The following NFIX variants were observed in gnomAD, a reference collection of about 807,000 sequenced individuals.
NFIX encodes nuclear factor I X, also known as nuclear factor 1 X-type.
A neutral mutation model predicts 53.3 loss-of-function variants in NFIX; 2 were observed. The observed-to-expected ratio is 0.04, with a 90% CI of 0.02 to 0.12. The LOEUF (loss-of-function observed/expected upper bound fraction) is 0.12. NFIX is among the 10% of genes least tolerant of loss of function. The pLI is 1.00. For synonymous variants in NFIX, 244 were observed against 289.0 expected, an observed-to-expected ratio of 0.84 and a Z score of 1.58; for missense variants, 310 against 674.5, an observed-to-expected ratio of 0.46 and a Z score of 5.99.
intron 8 of NFIX, chr19:13,082,081 TG>T: frequency 1.8e-6 from 1 of 566,724 alleles, no homozygotes; most frequent in Non-Finnish European, 3.1e-6. Context: ...GGGCAGCATC[TG>T]GGCCCCCTTG....
At position 13,067,294 on chromosome 19, in the gene NFIX, G is replaced by A. The variant is rs534319171; in HGVS notation, c.560-5753G>A. 7.2e-5 allele frequency among the ~76,000 whole-genome samples: 11 copies of A among 152,308 alleles called. No homozygotes were observed. Among genetic ancestry groups the A allele is most frequent in the African/African-American group, 2.4e-4 (10 of 41,560 alleles). ...CTTCTGGAATGTCAGGCCTGGGAGGGCCAGGGGATGGGCAGGCACACCCCA... is the reference window on the plus strand; with the variant it reads ...CTTCTGGAATGTCAGGCCTGGGAGGACCAGGGGATGGGCAGGCACACCCCA... On this transcript the variant is annotated intron_variant, in intron 2 of 10. Transcript: ENST00000592199. The surrounding 1 kb of genome is among the most constrained non-coding windows in gnomAD (Gnocchi z 4.2).
chr19:13,000,948 C>G (rs2011659443), intron 1 of NFIX, among the ~76,000 whole-genome samples: 1 of 152,196 alleles, frequency 6.6e-6, no homozygotes, highest in African/African-American at 2.4e-5. Flanking sequence ...CACAGGGAGC[C>G]TGGCCTTTTA....
At chr19:13,026,853 T>C (rs894371354) in intron 2 of NFIX, among the ~76,000 whole-genome samples, 2 of 152,162 alleles carry the variant, frequency 1.3e-5, no homozygotes, top group African/African-American at 4.8e-5. Context: ...GTGGCTTAAC[T>C]TCAACTCTCG....
Position 13,002,010 on chromosome 19 carries a change from C to T in NFIX, c.27+6146C>T, listed in dbSNP as rs945700109. ...TCTGCCCGGCGCACATTGATCTTGG[C>T]TTCTGCCTGTGTCCGTTCTAGCCTG... is the stretch of plus-strand genomic sequence containing the variant. On this transcript the variant is annotated intron_variant, in intron 1 of 10. Coordinates refer to ENST00000592199, the MANE Select transcript of NFIX (RefSeq NM_001365902.3). The surrounding 1 kb of genome is among the most constrained non-coding windows in gnomAD (Gnocchi z 6.1). Among the ~76,000 whole-genome samples, 13 of 152,128 alleles carry T rather than the reference C, an allele frequency of 8.5e-5. No homozygotes were observed. Among genetic ancestry groups the T allele is most frequent in the Non-Finnish European group, 1.5e-5 (1 of 67,992 alleles).
Position 12,996,142 on chromosome 19 carries a change from C to CGTGT in NFIX, c.27+304_27+307dup, listed in dbSNP as rs3046151. On this transcript the variant is annotated intron_variant, in intron 1 of 10. Transcript: ENST00000592199. This position sits in a 1 kb window ranked among gnomAD's most constrained non-coding sequence, Gnocchi z 5.2. The stretch of plus-strand genomic sequence containing the variant: ...TGGAGCGCAGGCGGGAGTGCGTGTA[C>CGTGT]GTGTGTGTGTGTGTGTGTGTGTGTG... Among the ~76,000 whole-genome samples the CGTGT allele has an allele frequency of 2.2e-3, 323 of 145,788 alleles. No individual in the cohort carries two copies. The highest frequency in any genetic ancestry group is 6.4e-3 in the African/African-American group (254 of 39,936).
Position 13,012,192 on chromosome 19 carries a change from G to GCATGTGTGGCA in NFIX, c.28-12829_28-12828insCATGTGTGGCA, listed in dbSNP as rs2012391394. ...ATGTCAGACGCGACCTGTGTGGCAT[G>GCATGTGTGGCA]TACCAGGCTGGCTCCGACGACGGAA... is the stretch of plus-strand genomic sequence containing the variant. On this transcript the variant is annotated intron_variant, in intron 1 of 10. Transcript: ENST00000592199. This position sits in a 1 kb window ranked among gnomAD's most constrained non-coding sequence, Gnocchi z 5.0. The GCATGTGTGGCA allele has an allele frequency of 1.3e-5, 2 of 152,292 alleles. No homozygotes were observed. Among genetic ancestry groups the GCATGTGTGGCA allele is most frequent in the Non-Finnish European group, 2.9e-5 (2 of 68,092 alleles). The allele number at this position is 152,292 out of a possible 1,614,324, so 9.4% of individuals were successfully genotyped here.
Position 13,036,190 on chromosome 19 carries a change from A to C in NFIX, c.559+10638A>C, listed in dbSNP as rs375885333. 6.6e-6 allele frequency among the ~76,000 whole-genome samples: 1 copy of C among 152,154 alleles called. No homozygotes were observed. The highest frequency in any genetic ancestry group is 1.5e-5 in the Non-Finnish European group (1 of 67,984). On this transcript the variant is annotated intron_variant, in intron 2 of 10. Coordinates refer to ENST00000592199, the MANE Select transcript of NFIX (RefSeq NM_001365902.3). This position sits in a 1 kb window ranked among gnomAD's most constrained non-coding sequence, Gnocchi z 4.7. Reference sequence around the variant, plus strand: ...CTGGAGTCGACTTCCCAAGTCTCCTAGGAAGGCGAGGGCTCTCCTTCGTGT... The same window carrying C: ...CTGGAGTCGACTTCCCAAGTCTCCTCGGAAGGCGAGGGCTCTCCTTCGTGT...
intron 1 of NFIX, chr19:13,024,705 T>A (rs1318693287): frequency 6.5e-7 from 1 of 1,536,384 alleles, no homozygotes; most frequent in Admixed American, 2.0e-5. Flanking sequence ...GGCAACGTTG[T>A]CTGTGCGCGT....
chr19:13,007,936 C>T (rs1214106897), intron 1 of NFIX, among the ~76,000 whole-genome samples: 1 of 152,156 alleles, frequency 6.6e-6, no homozygotes, highest in Non-Finnish European at 1.5e-5. Context: ...CACACAGACA[C>T]ACAGAGCAGA....
chr19:13,002,554 G>A lies in NFIX; in HGVS notation c.27+6690G>A, dbSNP rs1245199889. On this transcript the variant is annotated intron_variant, in intron 1 of 10. Transcript: ENST00000592199. The surrounding 1 kb of genome is among the most constrained non-coding windows in gnomAD (Gnocchi z 6.1). ...AGGCAATGGGCAGGGTGACTGAGCT[G>A]CCCGGCGGGGCGGGCGGGCAGGGAG... Among the ~76,000 whole-genome samples, 1 of 152,108 alleles carries A rather than the reference G, an allele frequency of 6.6e-6. No individual in the cohort carries two copies. Among genetic ancestry groups the A allele is most frequent in the Non-Finnish European group, 1.5e-5 (1 of 67,988 alleles).
At chr19:12,999,168 T>C (rs1238637104) in intron 1 of NFIX, among the ~76,000 whole-genome samples, 1 of 151,750 alleles carries the variant, frequency 6.6e-6, no homozygotes, top group African/African-American at 2.4e-5. Context: ...AAATAACTTT[T>C]CTTTTTCTAT....
chr19:13,073,423 G>A lies in NFIX; in HGVS notation c.624G>A (p.Gly208=). The A allele has an allele frequency of 6.2e-7, 1 of 1,613,786 alleles. No individual in the cohort carries two copies. Among genetic ancestry groups the A allele is most frequent in the Non-Finnish European group, 8.5e-7 (1 of 1,179,702 alleles). The part of the protein sequence containing the change: ...GDADIKPLPN[G]HLSFQDCFVT... Reference sequence around the variant, plus strand: ...TCACTCATCCTTTCCCCTCTTCAGGGCACTTAAGTTTCCAGGACTGTTTTG... The same window carrying A: ...TCACTCATCCTTTCCCCTCTTCAGGACACTTAAGTTTCCAGGACTGTTTTG... The change falls in exon 4 of 11, where the codon GGG becomes GGA. Residue 208 remains glycine (G), a splice_region_variant and synonymous_variant. Transcript: ENST00000592199. The surrounding 1 kb of genome is among the most constrained non-coding windows in gnomAD (Gnocchi z 4.5).
chr19:13,042,720 A>ACCCCAC (rs2014721926), intron 2 of NFIX, among the ~76,000 whole-genome samples: 2 of 146,208 alleles, frequency 1.4e-5, no homozygotes, highest in African/African-American at 5.0e-5. Flanking sequence ...GCTGATGTAA[A>ACCCCAC]CCCCACCCCC....
rs1335398493 is a variant in NFIX at position 13,014,115 on chromosome 19, C to T, written c.28-10906C>T. ...GAGAAATAACTCGTCTCTCCTCTCTCCTCTCCATTCAGCATTGTCTTATTT... is the reference window on the plus strand; with the variant it reads ...GAGAAATAACTCGTCTCTCCTCTCTTCTCTCCATTCAGCATTGTCTTATTT... On this transcript the variant is annotated intron_variant, in intron 1 of 10. Coordinates refer to ENST00000592199, the MANE Select transcript of NFIX (RefSeq NM_001365902.3). The surrounding 1 kb of genome is among the most constrained non-coding windows in gnomAD (Gnocchi z 4.4). 2 of 152,186 alleles carry T rather than the reference C, an allele frequency of 1.3e-5. No homozygotes were observed. Among genetic ancestry groups the T allele is most frequent in the Non-Finnish European group, 2.9e-5 (2 of 68,032 alleles). The allele number at this position is 152,186 out of a possible 1,614,324, so 9.4% of individuals were successfully genotyped here.
chr19:13,075,769 C>T, intron 6 of NFIX, 98 bp downstream of exon 6: 1 of 1,409,540 alleles, frequency 7.1e-7, no homozygotes, highest in Non-Finnish European at 9.6e-7. Flanking sequence ...AGTTGTCCCC[C>T]TGTCGGGGGG....
At chr19:13,003,622 C>T (rs2011846572) in intron 1 of NFIX, among the ~76,000 whole-genome samples, 1 of 152,110 alleles carries the variant, frequency 6.6e-6, no homozygotes, top group Non-Finnish European at 1.5e-5. Context: ...GTGATTTCAC[C>T]CATTGGGAAA....
intron 1 of NFIX, among the ~76,000 whole-genome samples, chr19:12,999,996 T>C (rs2011619715): frequency 6.6e-6 from 1 of 152,202 alleles, no homozygotes; most frequent in Non-Finnish European, 1.5e-5. Flanking sequence ...GATGTTTTGA[T>C]GCTGGGCCGA....
At chr19:13,059,360 A>G (rs1227086655) in intron 2 of NFIX, among the ~76,000 whole-genome samples, 1 of 152,112 alleles carries the variant, frequency 6.6e-6, no homozygotes, top group African/African-American at 2.4e-5. Context: ...GCCCCCCAGC[A>G]CAGGGCCTGG....
At position 13,073,170 on chromosome 19, in the gene NFIX, C is replaced by G. The variant is rs1318970860; in HGVS notation, c.622+61C>G. 3.9e-6 allele frequency: 6 copies of G among 1,531,678 alleles called. No homozygotes were observed. Among genetic ancestry groups the G allele is most frequent in the Admixed American group, 3.3e-5 (2 of 59,932 alleles). The allele number at this position is 1,531,678 out of a possible 1,614,324, so 94.9% of individuals were successfully genotyped here. ...TTCATGCCCCTCCACTTCCTTCCCC[C>G]ACCCTGGCTGCCCTGGCCACCCTCA... On this transcript the variant is annotated intron_variant, in intron 3 of 10. Coordinates refer to ENST00000592199, the MANE Select transcript of NFIX (RefSeq NM_001365902.3). The surrounding 1 kb of genome is among the most constrained non-coding windows in gnomAD (Gnocchi z 4.5).
Sources: gnomAD v4.1 joint callset for allele counts (sites outside exome capture counted in the v4.1 genomes callset) on GRCh38, gnomAD v4.1.1 for gene constraint, Gnocchi (gnomAD v3.1) non-coding constraint, MANE v1.5 for transcripts, NCBI Gene and HGNC (gene_info 2026-07-23, HGNC 2026-07-21) for gene names.